Variants in ENPP6 observed in about 807,000 individuals in gnomAD.
ENPP6 encodes ectonucleotide pyrophosphatase/phosphodiesterase 6, also known as glycerophosphocholine cholinephosphodiesterase ENPP6.
Under a neutral mutation model 42.0 loss-of-function variants are expected in ENPP6, and 32 were observed. The observed-to-expected ratio is 0.76, with a 90% CI of 0.58 to 1.02. The LOEUF is 1.02. Among genes scored for constraint, ENPP6 ranks in the 50% least tolerant of loss-of-function variants. The pLI, the probability that ENPP6 is intolerant of heterozygous loss-of-function variation, is 0.00. For missense variants in ENPP6, 552 were observed against 566.8 expected (o/e 0.97, Z 0.27); for synonymous variants, 213 against 216.0 (o/e 0.99, Z 0.12).
At position 184,089,097 on chromosome 4, in the gene ENPP6, T is replaced by A. The variant is rs1009701778; in HGVS notation, c.*2080A>T. ...AGAAAGAAACTTTGAACAATAGACG[T>A]CTTTTTCAACAACTACTGCCAATGT... is the stretch of plus-strand genomic sequence containing the variant. On this transcript the variant is annotated 3_prime_UTR_variant, in exon 8 of 8. Coordinates refer to ENST00000296741, the MANE Select transcript of ENPP6 (RefSeq NM_153343.4). The A allele has an allele frequency of 2.6e-5, 4 of 152,210 alleles. No homozygotes were observed. Among genetic ancestry groups the A allele is most frequent in the African/African-American group, 9.6e-5 (4 of 41,470 alleles). 9.4% of individuals were successfully genotyped at this position (152,210 alleles called of 1,614,324 possible). A position where few individuals can be genotyped will look rare whatever the true frequency, so the allele number is the denominator to read the frequency against.
intron 2 of ENPP6, among the ~76,000 whole-genome samples, chr4:184,147,673 C>T (rs900958676): frequency 2.0e-5 from 3 of 151,894 alleles, no homozygotes; most frequent in Non-Finnish European, 4.4e-5. Flanking sequence ...GGGAGGTGTG[C>T]CCCTATCATC....
intron 2 of ENPP6, among the ~76,000 whole-genome samples, chr4:184,143,763 G>A (rs570925849): frequency 1.4e-4 from 21 of 152,312 alleles, no homozygotes; most frequent in South Asian, 4.1e-4. Flanking sequence ...GGATTTCTGC[G>A]CGCCTCGCAG....
At chr4:184,110,976 G>T (rs926509530) in intron 6 of ENPP6, among the ~76,000 whole-genome samples, 1 of 152,064 alleles carries the variant, frequency 6.6e-6, no homozygotes, top group African/African-American at 2.4e-5. Flanking sequence ...GAGGACTCAG[G>T]GCTGAAGCTG....
intron 2 of ENPP6, among the ~76,000 whole-genome samples, chr4:184,129,521 C>T (rs999643820): frequency 6.6e-6 from 1 of 152,220 alleles, no homozygotes; most frequent in African/African-American, 2.4e-5. Flanking sequence ...TTCAGGGTCA[C>T]TGTTACCCAT....
chr4:184,095,209 A>G (rs1735878682), intron 7 of ENPP6, among the ~76,000 whole-genome samples: 1 of 152,180 alleles, frequency 6.6e-6, no homozygotes, highest in Non-Finnish European at 1.5e-5. Context: ...TCTGTCTGTA[A>G]AAGACTGGGC....
chr4:184,142,114 G>C (rs1038008007), intron 2 of ENPP6, among the ~76,000 whole-genome samples: 2 of 152,124 alleles, frequency 1.3e-5, no homozygotes, highest in Non-Finnish European at 2.9e-5. Flanking sequence ...TCCACTGTGC[G>C]CACTGCCTTC....
Position 184,097,174 on chromosome 4 carries a change from A to C in ENPP6, c.1117+71T>G, listed in dbSNP as rs957882970. 160 of 1,594,708 alleles carry C rather than the reference A, an allele frequency of 1.0e-4. 3 individuals carry two copies. In the East Asian group the frequency reaches 3.6e-3, roughly 36 times the overall value. On this transcript the variant is annotated intron_variant, in intron 7 of 7. Transcript: ENST00000296741. ...GGAAATCCCTGCAGCCTCTCCTGGC[A>C]CCCGTAGCCCCCCTTACAGACACTT...
chr4:184,144,050 C>T (rs1028212867), intron 2 of ENPP6, among the ~76,000 whole-genome samples: 1 of 152,192 alleles, frequency 6.6e-6, no homozygotes, highest in African/African-American at 2.4e-5. Context: ...GCAGCAGAGG[C>T]TGGCAGGGCC....
Position 184,144,444 on chromosome 4 carries a change from G to A in ENPP6, c.421+9110C>T, listed in dbSNP as rs115118794. Among the ~76,000 whole-genome samples, 949 of 152,264 alleles carry A rather than the reference G, an allele frequency of 6.2e-3. 9 individuals carry two copies. Among genetic ancestry groups the A allele is most frequent in the African/African-American group, 0.021 (853 of 41,550 alleles). ...ACAGACAGCCCCAAACGGCAGCCCC[G>A]CCACTCACTTTCCTCTGCGTGCTCC... On this transcript the variant is annotated intron_variant, in intron 2 of 7. Transcript: ENST00000296741.
chr4:184,144,501 G>A (rs1736885584), intron 2 of ENPP6, among the ~76,000 whole-genome samples: 2 of 152,214 alleles, frequency 1.3e-5, no homozygotes, highest in Admixed American at 6.5e-5. Context: ...CCTGTGGAAC[G>A]GATCGGGGGC....
intron 1 of ENPP6, 33 bp from the exon 2 acceptor site, chr4:184,153,766 G>A (rs766269304): frequency 8.2e-6 from 13 of 1,588,070 alleles, no homozygotes; most frequent in Middle Eastern, 1.7e-4. Context: ...GTCAGTTTAC[G>A]GTTCTGGTGG....
At chr4:184,207,525 A>G (rs1733021152) in intron 1 of ENPP6, among the ~76,000 whole-genome samples, 1 of 152,266 alleles carries the variant, frequency 6.6e-6, no homozygotes, top group Non-Finnish European at 1.5e-5. Flanking sequence ...AACAGAAAGC[A>G]TTCCAAGGGC....
intron 7 of ENPP6, among the ~76,000 whole-genome samples, chr4:184,095,197 T>C (rs777626414): frequency 1.3e-5 from 2 of 152,228 alleles, no homozygotes; most frequent in African/African-American, 2.4e-5. Flanking sequence ...AGGGGTCATC[T>C]ATCTGTCTGT....
chr4:184,165,363 G>C (rs1033773816), intron 1 of ENPP6, among the ~76,000 whole-genome samples: 10 of 152,142 alleles, frequency 6.6e-5, no homozygotes, highest in Admixed American at 4.6e-4. Flanking sequence ...GGCTGGAGCC[G>C]CACAGCTAGG....
chr4:184,132,782 CAT>C, intron 2 of ENPP6, among the ~76,000 whole-genome samples: 1 of 150,012 alleles, frequency 6.7e-6, no homozygotes, highest in South Asian at 2.1e-4. Context: ...CACATATATA[CAT>C]ATATACACAC....
At chr4:184,122,299 G>A (rs1736428736) in intron 3 of ENPP6, among the ~76,000 whole-genome samples, 1 of 152,108 alleles carries the variant, frequency 6.6e-6, no homozygotes, top group African/African-American at 2.4e-5. Context: ...TAATGCCAGG[G>A]CACATTAGGT....
chr4:184,203,732 T>C lies in ENPP6; in HGVS notation c.241+13847A>G, dbSNP rs79839050. ...CTGCCCGCACCTGGATTTCAGACTT[T>C]GGGAATCCAAATTTGCTATAGCAGC... On this transcript the variant is annotated intron_variant, in intron 1 of 7. Transcript: ENST00000296741. Among the ~76,000 whole-genome samples, 405 of 152,312 alleles carry C rather than the reference T, an allele frequency of 2.7e-3. 1 individual carries two copies. The highest frequency in any genetic ancestry group is 9.1e-3 in the African/African-American group (377 of 41,566).
intron 2 of ENPP6, among the ~76,000 whole-genome samples, chr4:184,137,694 T>G (rs1736752484): frequency 6.6e-6 from 1 of 152,258 alleles, no homozygotes. Context: ...TAGCTTATTC[T>G]TACTGCTAGG....
intron 2 of ENPP6, among the ~76,000 whole-genome samples, chr4:184,142,252 A>G (rs780596629): frequency 3.2e-4 from 49 of 152,202 alleles, no homozygotes; most frequent in Admixed American, 1.2e-3. Flanking sequence ...CTGCCTGCCA[A>G]CTTTGACACA....
Sources: allele counts gnomAD v4.1 joint callset (sites outside exome capture counted in the v4.1 genomes callset), GRCh38; gene constraint gnomAD v4.1.1; transcripts MANE v1.5; gene names NCBI Gene and HGNC (gene_info 2026-07-23, HGNC 2026-07-21).